NELL2: variants seen among roughly 807,000 people sequenced by gnomAD.
NELL2 encodes the protein neural EGFL like 2, also known as protein kinase C-binding protein NELL2.
Under a neutral mutation model 109.6 loss-of-function variants are expected in NELL2, and 41 were observed. The observed-to-expected ratio is 0.37, with a 90% CI of 0.29 to 0.49. NELL2 has a LOEUF of 0.49. Among genes scored for constraint, NELL2 ranks in the 20% least tolerant of loss-of-function variants. The pLI, the probability that NELL2 is intolerant of heterozygous loss-of-function variation, is 0.98. For synonymous variants in NELL2, 355 were observed against 344.7 expected (o/e 1.03, Z -0.33); for missense variants, 900 against 1,008.3 (o/e 0.89, Z 1.45).
At chr12:44,793,005 C>T (rs1942489316) in intron 3 of NELL2, among the ~76,000 whole-genome samples, 1 of 152,050 alleles carries the variant, frequency 6.6e-6, no homozygotes. Context: ...GTAATACATC[C>T]ATATTCTAGA....
At chr12:44,840,158 A>C (rs1944180249) in intron 2 of NELL2, among the ~76,000 whole-genome samples, 1 of 152,296 alleles carries the variant, frequency 6.6e-6, no homozygotes, top group African/African-American at 2.4e-5. Context: ...ATGCTTTCCA[A>C]GTTCCAGCTC....
At chr12:44,626,685 C>T (rs1430842053) in intron 13 of NELL2, among the ~76,000 whole-genome samples, 1 of 152,114 alleles carries the variant, frequency 6.6e-6, no homozygotes, top group Non-Finnish European at 1.5e-5. Context: ...CTGTCGGCTG[C>T]ATCTCTCACC....
At chr12:44,537,025 A>AT (rs1047378657) in intron 15 of NELL2, among the ~76,000 whole-genome samples, 18 of 151,374 alleles carry the variant, frequency 1.2e-4, no homozygotes, top group Non-Finnish European at 2.2e-4. Flanking sequence ...CCAAAAAAAA[A>AT]AAAAAAGGAA....
chr12:44,779,735 C>T lies in NELL2; in HGVS notation c.534G>A (p.Lys178=). The stretch of plus-strand genomic sequence containing the variant: ...TGCCTAGAGGCAAGTCTGTGGAGGG[C>T]TTTTCTACTACCCTTTCATAAATTC... ...CNKIYERVVE[K]PSTDLPLGTT... The change falls in exon 5 of 20, where the codon AAG becomes AAA. Residue 178 remains lysine (K), a synonymous_variant. Transcript: ENST00000429094. The T allele has an allele frequency of 6.2e-7, 1 of 1,613,972 alleles. No homozygotes were observed. The highest frequency in any genetic ancestry group is 8.5e-7 in the Non-Finnish European group (1 of 1,179,878).
chr12:44,577,433 A>T (rs1005155640), intron 15 of NELL2, among the ~76,000 whole-genome samples: 1 of 111,056 alleles, frequency 9.0e-6, no homozygotes, highest in Admixed American at 8.6e-5. Flanking sequence ...TTCATTGTAG[A>T]TTCTGGATAT....
intron 15 of NELL2, among the ~76,000 whole-genome samples, chr12:44,556,395 A>C (rs1347420598): frequency 1.3e-5 from 2 of 152,176 alleles, no homozygotes; most frequent in Admixed American, 1.3e-4. Context: ...ATCAAGATCT[A>C]TGAGCAGCAT....
chr12:44,642,657 G>A (rs777718611), intron 13 of NELL2, among the ~76,000 whole-genome samples: 2 of 152,274 alleles, frequency 1.3e-5, no homozygotes, highest in South Asian at 2.1e-4. Flanking sequence ...TGAGGCGGGC[G>A]GATCACCTAA....
Position 44,734,960 on chromosome 12 carries a change from A to G in NELL2, c.995-20219T>C, listed in dbSNP as rs570124241. 8.0e-4 allele frequency among the ~76,000 whole-genome samples: 122 copies of G among 152,176 alleles called. 1 individual carries two copies. The highest frequency in any genetic ancestry group is 7.9e-3 in the Admixed American group (120 of 15,276). On this transcript the variant is annotated intron_variant, in intron 9 of 19. Coordinates refer to ENST00000429094, the MANE Select transcript of NELL2 (RefSeq NM_001145108.2). ...AGCTCAGAAGCCATTTTCCTTCCAT[A>G]TATTGAGGAAGGGATGGAACTACTC...
At chr12:44,599,096 C>A (rs1316628789) in intron 15 of NELL2, among the ~76,000 whole-genome samples, 1 of 152,082 alleles carries the variant, frequency 6.6e-6, no homozygotes, top group East Asian at 1.9e-4. Flanking sequence ...ATTGTAATAC[C>A]CCTGCTACAC....
chr12:44,746,891 C>T (rs1036765444), intron 9 of NELL2, among the ~76,000 whole-genome samples: 17 of 152,104 alleles, frequency 1.1e-4, no homozygotes, highest in African/African-American at 3.6e-4. Context: ...GTCAGTGTGG[C>T]GATTCTTCAG....
At chr12:44,685,391 A>G (rs925409715) in intron 12 of NELL2, among the ~76,000 whole-genome samples, 1 of 152,024 alleles carries the variant, frequency 6.6e-6, no homozygotes, top group East Asian at 1.9e-4. Flanking sequence ...GTGTCTTTTA[A>G]TTGCAGCATT....
intron 9 of NELL2, among the ~76,000 whole-genome samples, chr12:44,757,141 T>G (rs1403119339): frequency 1.3e-5 from 2 of 152,208 alleles, no homozygotes; most frequent in Non-Finnish European, 2.9e-5. Context: ...CCTCTCTCCC[T>G]TGGTCCTTGA....
In NELL2 at chr12:44,779,713, C is replaced by T. The variant is rs1941882761; in HGVS notation, c.556G>A (p.Gly186Ser). Residue 186 changes from glycine to serine, a missense_variant, in exon 5 of 20, where the codon GGC becomes AGC. By Grantham distance (56) the Gly-to-Ser change is moderately conservative. Coordinates refer to ENST00000429094, the MANE Select transcript of NELL2 (RefSeq NM_001145108.2). ...CTCTGTCCTAGCCAAAATGTTGTGC[C>T]TAGAGGCAAGTCTGTGGAGGGCTTT... The part of the protein sequence containing the change: ...VEKPSTDLPL[G>S]TTFWLGQRNN... 8 of 1,613,842 alleles carry T rather than the reference C, an allele frequency of 5.0e-6. No homozygotes were observed. Among genetic ancestry groups the T allele is most frequent in the African/African-American group, 2.7e-5 (2 of 74,886 alleles).
intron 12 of NELL2, among the ~76,000 whole-genome samples, chr12:44,675,661 C>A (rs1272332082): frequency 6.6e-6 from 1 of 151,910 alleles, no homozygotes; most frequent in East Asian, 1.9e-4. Flanking sequence ...CACAGAGAAG[C>A]CAGAAACAAA....
At chr12:44,699,541 C>T (rs67457941) in intron 12 of NELL2, among the ~76,000 whole-genome samples, 17,513 of 152,024 alleles carry the variant, frequency 0.12, 1,120 homozygotes, top group East Asian at 0.14. Flanking sequence ...CTTCAGGTCC[C>T]TTAAGCTACT....
chr12:44,612,810 TCCCTGCC>T (rs1945671390), intron 13 of NELL2, among the ~76,000 whole-genome samples: 3 of 152,060 alleles, frequency 2.0e-5, no homozygotes, highest in Admixed American at 1.3e-4. Context: ...GCTGTTTTAA[TCCCTGCC>T]TTGGTTGTCT....
chr12:44,898,279 T>C (rs551068679), intron 1 of NELL2, among the ~76,000 whole-genome samples: 2 of 152,278 alleles, frequency 1.3e-5, no homozygotes, highest in South Asian at 2.1e-4. Flanking sequence ...CCTCCTCAAG[T>C]GGGTCCCTGA....
intron 12 of NELL2, among the ~76,000 whole-genome samples, chr12:44,670,634 C>A (rs973373273): frequency 2.3e-5 from 3 of 128,170 alleles, no homozygotes; most frequent in Admixed American, 2.2e-4. Context: ...AAATGAAAAC[C>A]AAAAGTGTGA....
chr12:44,740,512 G>T (rs1939896238), intron 9 of NELL2, among the ~76,000 whole-genome samples: 2 of 152,044 alleles, frequency 1.3e-5, no homozygotes, highest in South Asian at 4.1e-4. Context: ...TGGAGCCAAA[G>T]GTATCCTAAC....
Sources: allele counts gnomAD v4.1 joint callset (sites outside exome capture counted in the v4.1 genomes callset), GRCh38; gene constraint gnomAD v4.1.1; transcripts MANE v1.5; gene names NCBI Gene and HGNC (gene_info 2026-07-23, HGNC 2026-07-21).